The following PFAS variants were observed in gnomAD, a reference collection of about 807,000 sequenced individuals.
PFAS encodes phosphoribosylformylglycinamidine synthase, also known as FGAM synthase.
PFAS carries 97 observed loss-of-function variants against 140.6 expected under a neutral mutation model. The ratio of observed to expected loss-of-function variants is 0.69; its 90% confidence interval spans 0.59 to 0.82. The LOEUF is 0.82. PFAS is among the 40% of genes least tolerant of loss of function. The probability of loss-of-function intolerance (pLI) is 0.00; values close to 1 mark genes in which losing one functional copy is unlikely to be tolerated. For synonymous variants in PFAS, 679 were observed against 718.8 expected, an observed-to-expected ratio of 0.94 and a Z score of 0.88; for missense variants, 1,656 against 1,780.2, an observed-to-expected ratio of 0.93 and a Z score of 1.26.
In PFAS at chr17:8,269,228, CAATGCCCGAA is replaced by C. The variant is rs1989944613; in HGVS notation, c.3983_3992del (p.Asn1328ThrfsTer23). 6.2e-7 allele frequency: 1 copy of C among 1,612,234 alleles called. No individual in the cohort carries two copies. The highest frequency in any genetic ancestry group is 8.5e-7 in the Non-Finnish European group (1 of 1,178,964). ...CCTCCCCCTGGCTCCAGCTCTTTAT[CAATGCCCGAA>C]ACTGGACCCTGGAAGGGAGCTGCTG... is the stretch of plus-strand genomic sequence containing the variant. On this transcript the variant is annotated frameshift_variant, in exon 28 of 28. Coordinates refer to ENST00000314666, the MANE Select transcript of PFAS (RefSeq NM_012393.3). LOFTEE classifies it high-confidence loss of function.
upstream of PFAS, chr17:8,248,075 C>G: frequency 1.8e-6 from 1 of 549,962 alleles, no homozygotes; most frequent in Non-Finnish European, 3.2e-6. Flanking sequence ...GGCAGGTGCT[C>G]GCTTGGGGGT....
Position 8,255,505 on chromosome 17 carries a change from G to T in PFAS, c.388G>T (p.Ala130Ser), listed in dbSNP as rs199980428. The part of the protein sequence containing the change: ...ETTRRYRLSF[A>S]HPPSAEVEAI... ...CTCTGTGTGTCTGCACCCCTAGTTT[G>T]CCCACCCCCCGTCAGCTGAGGTGGA... The change falls in exon 5 of 28, where the codon GCC becomes TCC. Residue 130 changes from alanine to serine, a missense_variant. Physicochemically the swap from Ala to Ser is moderately conservative, Grantham distance 99. This residue lies in a region of PFAS where 773 missense variants were observed against 757.3 expected (regional missense o/e 1.02). Coordinates refer to ENST00000314666, the MANE Select transcript of PFAS (RefSeq NM_012393.3). 8 of 1,515,090 alleles carry T rather than the reference G, an allele frequency of 5.3e-6. No individual in the cohort carries two copies. In the East Asian group the frequency reaches 1.6e-4, roughly 30 times the overall value. The allele number at this position is 1,515,090 out of a possible 1,614,324, so 93.9% of individuals were successfully genotyped here.
In PFAS at chr17:8,267,501, G is replaced by C. The variant is rs765447738; in HGVS notation, c.3267+38G>C. 6.3e-7 allele frequency: 1 copy of C among 1,593,722 alleles called. No individual in the cohort carries two copies. The highest frequency in any genetic ancestry group is 2.2e-5 in the East Asian group (1 of 44,808). On this transcript the variant is annotated intron_variant, in intron 25 of 27. Coordinates refer to ENST00000314666, the MANE Select transcript of PFAS (RefSeq NM_012393.3). This position sits in a 1 kb window ranked among gnomAD's most constrained non-coding sequence, Gnocchi z 4.9. ...GGGGGCAGCTGGGGGTGATTGTCCA[G>C]CCTCAGCTGCGTGTCCTCCCACCCA... is the stretch of plus-strand genomic sequence containing the variant.
At position 8,256,768 on chromosome 17, in the gene PFAS, T is replaced by C. The variant is rs1056638206; in HGVS notation, c.947-67T>C. 30 of 1,554,196 alleles carry C rather than the reference T, an allele frequency of 1.9e-5. No homozygotes were observed. The Middle Eastern group carries it at 1.6e-3, about 82-fold the overall frequency. Reference sequence around the variant, plus strand: ...GGAAATTGGTTGTCCTTATTTTCAGTGGGGGTGGTCAGAGATGGGGGTTTG... The same window carrying C: ...GGAAATTGGTTGTCCTTATTTTCAGCGGGGGTGGTCAGAGATGGGGGTTTG... On this transcript the variant is annotated intron_variant, in intron 8 of 27. Coordinates refer to ENST00000314666, the MANE Select transcript of PFAS (RefSeq NM_012393.3).
intron 11 of PFAS, among the ~76,000 whole-genome samples, chr17:8,260,395 C>T (rs189178547): frequency 7.1e-4 from 108 of 152,300 alleles, no homozygotes; most frequent in Admixed American, 4.6e-3. Context: ...TGGAATCATA[C>T]AATATGCGGC....
At position 8,256,613 on chromosome 17, in the gene PFAS, T is replaced by C. The variant is rs1338450066; in HGVS notation, c.911T>C (p.Val304Ala). 6.2e-7 allele frequency: 1 copy of C among 1,614,162 alleles called. No individual in the cohort carries two copies. The highest frequency in any genetic ancestry group is 1.3e-5 in the African/African-American group (1 of 75,058). ...CAGCAACAGCAAGGGCTGAGACATG[T>C]TGTCTTCACAGCAGAGACTCACAAC... The part of the protein sequence containing the change: ...RFQQQQGLRH[V>A]VFTAETHNFP... Residue 304 changes from valine (V) to alanine (A), a missense_variant, in exon 8 of 28, where the codon GTT becomes GCT. Val to Ala is a moderately conservative substitution (Grantham distance 64). This residue lies in a region of PFAS where 773 missense variants were observed against 757.3 expected (regional missense o/e 1.02). Coordinates refer to ENST00000314666, the MANE Select transcript of PFAS (RefSeq NM_012393.3).
chr17:8,251,384 C>T (rs1279143329), intron 1 of PFAS, among the ~76,000 whole-genome samples: 2 of 151,878 alleles, frequency 1.3e-5, no homozygotes, highest in African/African-American at 2.4e-5. Flanking sequence ...TGGGCTCAAG[C>T]GATCCTCTTA....
At chr17:8,261,223 C>T (rs900706473) in intron 11 of PFAS, among the ~76,000 whole-genome samples, 4 of 151,584 alleles carry the variant, frequency 2.6e-5, no homozygotes, top group South Asian at 2.1e-4. Flanking sequence ...TGATGTTGAG[C>T]GTGTTTTCTT....
In PFAS at chr17:8,253,790, C is replaced by T. The variant is rs1038671274; in HGVS notation, c.-79-69C>T. 2.6e-6 allele frequency: 3 copies of T among 1,174,576 alleles called. No individual in the cohort carries two copies. In the African/African-American group the frequency reaches 4.6e-5, roughly 18 times the overall value. The allele number at this position is 1,174,576 out of a possible 1,614,324, so 72.8% of individuals were successfully genotyped here. A position where few individuals can be genotyped will look rare whatever the true frequency, so the allele number is the denominator to read the frequency against. On this transcript the variant is annotated intron_variant, in intron 1 of 27. Coordinates refer to ENST00000314666, the MANE Select transcript of PFAS (RefSeq NM_012393.3). ...CTGACCTCAGGCAATCCACCTGCCTCAGTCTCCCAAAGTGCTGGGGTTACA... is the reference window on the plus strand; with the variant it reads ...CTGACCTCAGGCAATCCACCTGCCTTAGTCTCCCAAAGTGCTGGGGTTACA...
At chr17:8,264,056 C>T (rs1191017049) in intron 15 of PFAS, 120 bp downstream of exon 15, 2 of 1,463,838 alleles carry the variant, frequency 1.4e-6, no homozygotes, top group Non-Finnish European at 1.9e-6. Context: ...TAGTGGCAAA[C>T]AAGCTGTGGG....
At chr17:8,264,125 AGC>A (rs1989709003) in intron 15 of PFAS, 85 bp from the exon 16 acceptor site, 4 of 1,567,548 alleles carry the variant, frequency 2.6e-6, no homozygotes, top group Non-Finnish European at 3.5e-6. Context: ...AGGAGTGGAA[AGC>A]ACATTTGTGC....
chr17:8,257,064 CT>C, intron 9 of PFAS, 101 bp downstream of exon 9: 1 of 1,313,900 alleles, frequency 7.6e-7, no homozygotes, highest in Non-Finnish European at 1.1e-6. Flanking sequence ...TCCTGTGTGC[CT>C]TTTCTCAGGA....
intron 17 of PFAS, 97 bp downstream of exon 17, chr17:8,264,698 G>T: frequency 7.4e-7 from 1 of 1,360,106 alleles, no homozygotes; most frequent in East Asian, 2.3e-5. Flanking sequence ...GTTTTTGCCT[G>T]GCCCTGCAGG....
At position 8,253,932 on chromosome 17, in the gene PFAS, G is replaced by T. The variant is rs763042045; in HGVS notation, c.-6G>T. On this transcript the variant is annotated 5_prime_UTR_variant, in exon 2 of 28. Coordinates refer to ENST00000314666, the MANE Select transcript of PFAS (RefSeq NM_012393.3). ...CACCTCTCTCCAGCAAAGGACACCT[G>T]CAGAGATGTCCCCAGTCCTTCACTT... is the stretch of plus-strand genomic sequence containing the variant. 6 of 1,610,278 alleles carry T rather than the reference G, an allele frequency of 3.7e-6. No homozygotes were observed. Among genetic ancestry groups the T allele is most frequent in the Non-Finnish European group, 5.1e-6 (6 of 1,177,476 alleles).
At chr17:8,262,821 C>G (rs977117461) in intron 11 of PFAS, 99 bp from the exon 12 acceptor site, 1 of 898,130 alleles carries the variant, frequency 1.1e-6, no homozygotes, top group Non-Finnish European at 1.8e-6. Flanking sequence ...GGTCAGGCTT[C>G]TCCCTAACAT....
Position 8,257,651 on chromosome 17 carries a change from G to T in PFAS, c.1076-156G>T, listed in dbSNP as rs115330258. On this transcript the variant is annotated intron_variant, in intron 9 of 27. Transcript: ENST00000314666. ...AAAGAAGACCAGTGCCTCACTGCAGGCTCTAGGGCTTCCTAAAGCAGGACT... is the reference window on the plus strand; with the variant it reads ...AAAGAAGACCAGTGCCTCACTGCAGTCTCTAGGGCTTCCTAAAGCAGGACT... Among the ~76,000 whole-genome samples the T allele has an allele frequency of 5.5e-3, 845 of 152,280 alleles. 10 individuals carry two copies. The highest frequency in any genetic ancestry group is 0.019 in the African/African-American group (804 of 41,564).
chr17:8,255,242 A>G (rs910694177), intron 4 of PFAS, 110 bp downstream of exon 4: 9 of 802,112 alleles, frequency 1.1e-5, no homozygotes, highest in Non-Finnish European at 1.8e-5. Context: ...CCTGCTCTGT[A>G]TGGTCGTACA....
Position 8,263,603 on chromosome 17 carries a change from A to G in PFAS, c.1596A>G (p.Pro532=). Residue 532 remains proline (P), a synonymous_variant, in exon 14 of 28, where the codon CCA becomes CCG. Transcript: ENST00000314666. The part of the protein sequence containing the change: ...NGNVLKELSD[P]AGAIIYTSRF... ...ATGTCCTAAAAGAGCTGAGTGACCC[A>G]GCTGGAGCCATCATTTACACCAGCC... 1 of 1,614,122 alleles carries G rather than the reference A, an allele frequency of 6.2e-7. No individual in the cohort carries two copies. Among genetic ancestry groups the G allele is most frequent in the Non-Finnish European group, 8.5e-7 (1 of 1,179,998 alleles).
At chr17:8,249,781 G>A (rs1031808877) in intron 1 of PFAS, among the ~76,000 whole-genome samples, 3 of 152,200 alleles carry the variant, frequency 2.0e-5, no homozygotes, top group Admixed American at 6.5e-5. Flanking sequence ...GAAGAGTGGT[G>A]AGAATCAAGA....
Sources: allele counts gnomAD v4.1 joint callset (sites outside exome capture counted in the v4.1 genomes callset), GRCh38; gene constraint gnomAD v4.1.1; regional missense constraint gnomAD v4.1.1; non-coding constraint Gnocchi (gnomAD v3.1); transcripts MANE v1.5; gene names NCBI Gene and HGNC (gene_info 2026-07-23, HGNC 2026-07-21).